Variants in MAPK4 observed in about 807,000 individuals in gnomAD.
MAPK4 encodes mitogen-activated protein kinase 4, also known as Erk3-related.
MAPK4 carries 22 observed loss-of-function variants against 47.7 expected under a neutral mutation model. The ratio of observed to expected loss-of-function variants is 0.46; its 90% confidence interval spans 0.33 to 0.66. The LOEUF (loss-of-function observed/expected upper bound fraction) is 0.66. Ranked by LOEUF, MAPK4 falls within the 30% of genes least tolerant of loss-of-function variation. MAPK4 has a pLI of 0.02. For synonymous variants in MAPK4, 390 were observed against 365.7 expected (o/e 1.07, Z -0.76); for missense variants, 736 against 831.7 (o/e 0.88, Z 1.42).
intron 2 of MAPK4, among the ~76,000 whole-genome samples, chr18:50,714,108 G>A (rs1910510720): frequency 6.6e-6 from 1 of 152,192 alleles, no homozygotes; most frequent in African/African-American, 2.4e-5. Context: ...AAAGGAAAGT[G>A]TGAATGCTAA....
chr18:50,596,011 A>T (rs370830664), intron 1 of MAPK4, among the ~76,000 whole-genome samples: 1 of 152,204 alleles, frequency 6.6e-6, no homozygotes, highest in Non-Finnish European at 1.5e-5. Context: ...TAGAACTCAG[A>T]TAAACAAAGG....
chr18:50,719,459 C>A (rs1910816203), intron 3 of MAPK4, among the ~76,000 whole-genome samples: 1 of 152,160 alleles, frequency 6.6e-6, no homozygotes, highest in African/African-American at 2.4e-5. Context: ...TCCGTATTTT[C>A]CAGCCAATTC....
intron 2 of MAPK4, among the ~76,000 whole-genome samples, chr18:50,687,535 C>T (rs1471207945): frequency 6.6e-6 from 1 of 152,148 alleles, no homozygotes; most frequent in Non-Finnish European, 1.5e-5. Context: ...TCAGCCTGAC[C>T]TCTTTGTGCC....
chr18:50,641,471 C>T (rs908143362), intron 1 of MAPK4, among the ~76,000 whole-genome samples: 7 of 151,970 alleles, frequency 4.6e-5, no homozygotes, highest in East Asian at 1.9e-4. Context: ...TATAGATGTT[C>T]GATTTGAACT....
At chr18:50,585,769 C>T (rs2042382872) in intron 1 of MAPK4, among the ~76,000 whole-genome samples, 1 of 152,194 alleles carries the variant, frequency 6.6e-6, no homozygotes, top group South Asian at 2.1e-4. Flanking sequence ...TTCCACAGGG[C>T]TTGGGAAGCC....
At chr18:50,670,494 C>T (rs933906210) in intron 2 of MAPK4, among the ~76,000 whole-genome samples, 3 of 152,150 alleles carry the variant, frequency 2.0e-5, no homozygotes, top group Admixed American at 6.5e-5. Context: ...TGGTGGCTCA[C>T]GCCTGCAATC....
Position 50,727,655 on chromosome 18 carries a change from G to A in MAPK4, c.1067+1480G>A, listed in dbSNP as rs376141585. ...CTTTCTGCGACTGTGGCATAGGGTT[G>A]TGCCAGGAAAAACTGTCACAGGATT... On this transcript the variant is annotated intron_variant, in intron 5 of 5. Transcript: ENST00000400384. Among the ~76,000 whole-genome samples the A allele has an allele frequency of 2.4e-3, 363 of 152,208 alleles. 2 individuals are homozygous for A. The highest frequency in any genetic ancestry group is 8.2e-3 in the African/African-American group (342 of 41,532).
chr18:50,607,464 G>C (rs1044956312), intron 1 of MAPK4, among the ~76,000 whole-genome samples: 3 of 152,006 alleles, frequency 2.0e-5, no homozygotes, highest in Non-Finnish European at 2.9e-5. Flanking sequence ...TTGCTACTTT[G>C]ATCACTGTTC....
At chr18:50,638,337 C>T (rs1158457521) in intron 1 of MAPK4, among the ~76,000 whole-genome samples, 2 of 152,202 alleles carry the variant, frequency 1.3e-5, no homozygotes, top group African/African-American at 4.8e-5. Flanking sequence ...ACAAGCATGA[C>T]ATATTTTATC....
At chr18:50,589,759 C>G (rs775504736) in intron 1 of MAPK4, among the ~76,000 whole-genome samples, 16 of 152,232 alleles carry the variant, frequency 1.1e-4, no homozygotes, top group Non-Finnish European at 1.8e-4. Flanking sequence ...CATCCAACCA[C>G]ATTCTCACTT....
chr18:50,629,881 A>C (rs907460588), intron 1 of MAPK4: 1 of 152,256 alleles, frequency 6.6e-6, no homozygotes. Flanking sequence ...GTGAGTAGGT[A>C]AAACTGAGGG....
intron 1 of MAPK4, among the ~76,000 whole-genome samples, chr18:50,651,872 T>C (rs1282460057): frequency 2.0e-5 from 3 of 152,196 alleles, no homozygotes; most frequent in African/African-American, 7.2e-5. Context: ...TGTGCAGTGG[T>C]TTCACCTCTT....
chr18:50,694,748 C>T (rs1299047889), intron 2 of MAPK4, among the ~76,000 whole-genome samples: 1 of 152,174 alleles, frequency 6.6e-6, no homozygotes, highest in African/African-American at 2.4e-5. Context: ...TCTTTGCCAA[C>T]ACCCAGCTCT....
intron 1 of MAPK4, among the ~76,000 whole-genome samples, chr18:50,644,883 G>T (rs761598489): frequency 6.6e-6 from 1 of 152,164 alleles, no homozygotes; most frequent in East Asian, 1.9e-4. Context: ...TGCATAAGAC[G>T]TGCTATTCCC....
chr18:50,630,840 T>A (rs1347398192), intron 1 of MAPK4, among the ~76,000 whole-genome samples: 7 of 152,196 alleles, frequency 4.6e-5, no homozygotes, highest in Non-Finnish European at 7.3e-5. Context: ...CACATTTGTT[T>A]TTCCCAGCTG....
At chr18:50,561,405 G>A (rs2045532) in intron 1 of MAPK4, among the ~76,000 whole-genome samples, 76,680 of 152,062 alleles carry the variant, frequency 0.5, 19,808 homozygotes, top group Non-Finnish European at 0.57. Flanking sequence ...CAGGTATACT[G>A]CAGACTTTTC....
chr18:50,654,930 C>G (rs1274562861), intron 1 of MAPK4, among the ~76,000 whole-genome samples: 1 of 152,238 alleles, frequency 6.6e-6, no homozygotes, highest in African/African-American at 2.4e-5. Context: ...GAAAACAGAG[C>G]AAAGCCTGAA....
intron 1 of MAPK4, among the ~76,000 whole-genome samples, chr18:50,651,379 C>T (rs756060601): frequency 3.3e-5 from 5 of 152,194 alleles, no homozygotes; most frequent in African/African-American, 4.8e-5. Context: ...TGGCCTCCCA[C>T]GGGCCCTGAC....
intron 2 of MAPK4, among the ~76,000 whole-genome samples, chr18:50,675,652 C>T (rs1326034980): frequency 6.6e-6 from 1 of 152,128 alleles, no homozygotes; most frequent in Non-Finnish European, 1.5e-5. Flanking sequence ...CCACCTTGCC[C>T]AGCTAATTTT....
Sources: gnomAD v4.1 joint callset for allele counts (sites outside exome capture counted in the v4.1 genomes callset) on GRCh38, gnomAD v4.1.1 for gene constraint, MANE v1.5 for transcripts, NCBI Gene and HGNC (gene_info 2026-07-23, HGNC 2026-07-21) for gene names.